The following LMNTD1 variants were observed in gnomAD, a reference collection of about 807,000 sequenced individuals.
The protein encoded by LMNTD1 is lamin tail domain-containing protein 1.
LMNTD1 carries 35 observed loss-of-function variants against 50.9 expected under a neutral mutation model. The ratio of observed to expected loss-of-function variants is 0.69; its 90% CI spans 0.53 to 0.91. The LOEUF (loss-of-function observed/expected upper bound fraction) is 0.91, where lower values mean the gene tolerates loss of function less well. LMNTD1 is among the 40% of genes least tolerant of loss of function. LMNTD1 has a pLI of 0.00. For missense variants in LMNTD1, 470 were observed against 475.5 expected (o/e 0.99, Z 0.11); for synonymous variants, 153 against 161.9 (o/e 0.94, Z 0.42).
chr12:25,484,584 G>A (rs900655207), intron 9 of LMNTD1, among the ~76,000 whole-genome samples: 16 of 150,484 alleles, frequency 1.1e-4, no homozygotes, highest in African/African-American at 3.5e-4. Context: ...TACATGTGCC[G>A]TGCTGGTGCG....
At chr12:25,520,779 T>C (rs78026049) in intron 6 of LMNTD1, among the ~76,000 whole-genome samples, 3,077 of 152,282 alleles carry the variant, frequency 0.02, 81 homozygotes, top group African/African-American at 0.058. Context: ...GACTTCCATA[T>C]TGTTTTCCAT....
At chr12:25,537,244 A>G (rs558408440) in intron 4 of LMNTD1, among the ~76,000 whole-genome samples, 2 of 152,218 alleles carry the variant, frequency 1.3e-5, no homozygotes, top group African/African-American at 2.4e-5. Context: ...GGAGGCCTGC[A>G]TGCCTCTGTA....
intron 1 of LMNTD1, among the ~76,000 whole-genome samples, chr12:25,609,184 G>C (rs1215514909): frequency 6.6e-6 from 1 of 152,106 alleles, no homozygotes; most frequent in Non-Finnish European, 1.5e-5. Context: ...GGTCATTTAA[G>C]TGCTTCTCTA....
rs1316231581 is a variant in LMNTD1 at position 25,518,822 on chromosome 12, G to A, written c.1162C>T (p.Arg388Trp). 9 of 1,613,992 alleles carry A rather than the reference G, an allele frequency of 5.6e-6. No individual in the cohort carries two copies. Among genetic ancestry groups the A allele is most frequent in the Middle Eastern group, 1.6e-4 (1 of 6,084 alleles). ...GAGGCTCGATTAGGTCTGGTTGACCGAGTCCTGGGCTGTCTATCCAATCTG... is the reference window on the plus strand; with the variant it reads ...GAGGCTCGATTAGGTCTGGTTGACCAAGTCCTGGGCTGTCTATCCAATCTG... ...GGRLDRQPRT[R>W]STRPNRASGS... Residue 388 changes from arginine to tryptophan, a missense_variant, in exon 8 of 10, where the codon CGG becomes TGG. Transcript: ENST00000458174.
chr12:25,584,746 C>T (rs1211919304), intron 1 of LMNTD1, among the ~76,000 whole-genome samples: 26 of 152,102 alleles, frequency 1.7e-4, no homozygotes, highest in Admixed American at 1.6e-3. Context: ...GCTTCAAAGT[C>T]GATTATATCA....
chr12:25,504,452 T>C (rs1362910012), intron 8 of LMNTD1, among the ~76,000 whole-genome samples: 3 of 152,232 alleles, frequency 2.0e-5, no homozygotes, highest in Admixed American at 6.5e-5. Context: ...TAGTGTTGAA[T>C]TGAATGATAC....
intron 1 of LMNTD1, among the ~76,000 whole-genome samples, chr12:25,624,059 C>G (rs547967202): frequency 1.3e-5 from 2 of 152,304 alleles, no homozygotes; most frequent in Admixed American, 1.3e-4. Context: ...CAGAGCCCAA[C>G]CTATCTTTGG....
At chr12:25,591,718 G>T (rs1243633336) in intron 1 of LMNTD1, among the ~76,000 whole-genome samples, 1 of 151,872 alleles carries the variant, frequency 6.6e-6, no homozygotes, top group Non-Finnish European at 1.5e-5. Flanking sequence ...ACTCAGCTGT[G>T]TACTGGCTTC....
intron 9 of LMNTD1, among the ~76,000 whole-genome samples, chr12:25,489,255 G>C (rs1359458664): frequency 6.6e-6 from 1 of 150,768 alleles, no homozygotes; most frequent in African/African-American, 2.4e-5. Flanking sequence ...TTTGATCTCA[G>C]ACTGCTGTGC....
At chr12:25,550,365 C>G (rs1158500890) in intron 2 of LMNTD1, among the ~76,000 whole-genome samples, 1 of 152,158 alleles carries the variant, frequency 6.6e-6, no homozygotes, top group Non-Finnish European at 1.5e-5. Context: ...CACACTGAGG[C>G]TCTTCCCAGT....
intron 1 of LMNTD1, among the ~76,000 whole-genome samples, chr12:25,619,879 A>G (rs1048587501): frequency 1.3e-5 from 2 of 152,204 alleles, no homozygotes; most frequent in African/African-American, 2.4e-5. Flanking sequence ...TTTTTGAAAC[A>G]TTGGTTATGA....
chr12:25,647,571 A>G (rs1947102047), intron 1 of LMNTD1, among the ~76,000 whole-genome samples: 1 of 152,218 alleles, frequency 6.6e-6, no homozygotes, highest in African/African-American at 2.4e-5. Flanking sequence ...TAGTTAAAAT[A>G]TAAGTTTAAA....
At chr12:25,604,879 G>A (rs1410822891) in intron 1 of LMNTD1, among the ~76,000 whole-genome samples, 2 of 152,076 alleles carry the variant, frequency 1.3e-5, no homozygotes, top group Non-Finnish European at 2.9e-5. Context: ...GGGATGACTG[G>A]GTCAAATGGT....
At chr12:25,554,097 A>G (rs1943928385), upstream of LMNTD1, among the ~76,000 whole-genome samples, 1 of 152,236 alleles carries the variant, frequency 6.6e-6, no homozygotes, top group Admixed American at 6.5e-5. Context: ...GTTTGACCGT[A>G]TTTCCTCCCT....
Position 25,549,423 on chromosome 12 carries a change from C to T in LMNTD1, c.213G>A (p.Leu71=). 1.2e-6 allele frequency: 2 copies of T among 1,612,876 alleles called. No homozygotes were observed. Among genetic ancestry groups the T allele is most frequent in the African/African-American group, 1.3e-5 (1 of 74,974 alleles). ...NSSGMPLGYY[L]SSPQISRVTI... ...TTACTCTACTAATCTGAGGACTAGA[C>T]AGATAGTAACCAAGAGGCATTCCAC... Residue 71 remains leucine, a synonymous_variant, in exon 3 of 10, where the codon CTG becomes CTA. Transcript: ENST00000458174.
At chr12:25,539,579 G>C (rs897633947) in intron 4 of LMNTD1, among the ~76,000 whole-genome samples, 1 of 151,820 alleles carries the variant, frequency 6.6e-6, no homozygotes, top group African/African-American at 2.4e-5. Context: ...AAAGCAGTGT[G>C]TAGAGGGAAA....
At chr12:25,512,872 G>C (rs889680222) in intron 8 of LMNTD1, among the ~76,000 whole-genome samples, 2 of 151,478 alleles carry the variant, frequency 1.3e-5, no homozygotes, top group Admixed American at 6.6e-5. Context: ...TATGGGGGGG[G>C]GCTTTAATGA....
At chr12:25,604,737 C>T (rs938698038) in intron 1 of LMNTD1, among the ~76,000 whole-genome samples, 1 of 152,104 alleles carries the variant, frequency 6.6e-6, no homozygotes, top group Non-Finnish European at 1.5e-5. Flanking sequence ...TTTTCTTAAT[C>T]CAGACTATCA....
Position 25,546,502 on chromosome 12 carries a change from C to A in LMNTD1, c.363G>T (p.Gly121=). The A allele has an allele frequency of 6.3e-7, 1 of 1,590,700 alleles. No homozygotes were observed. The highest frequency in any genetic ancestry group is 8.6e-7 in the Non-Finnish European group (1 of 1,166,632). Residue 121 remains glycine (G), a synonymous_variant, in exon 4 of 10, where the codon GGG becomes GGT. Coordinates refer to ENST00000458174, the MANE Select transcript of LMNTD1 (RefSeq NM_001145728.2). ...AAGAAAGGAAATAATCTTCTCCATCCCCAATCATGGGTGATTCATCCTGTT... is the reference window on the plus strand; with the variant it reads ...AAGAAAGGAAATAATCTTCTCCATCACCAATCATGGGTGATTCATCCTGTT... The part of the protein sequence containing the change: ...PKKQDESPMI[G]DGEDYFLSLF...
Sources: gnomAD v4.1 joint callset for allele counts (sites outside exome capture counted in the v4.1 genomes callset) on GRCh38, gnomAD v4.1.1 for gene constraint, MANE v1.5 for transcripts, NCBI Gene and HGNC (gene_info 2026-07-23, HGNC 2026-07-21) for gene names.